The following MSI2 variants were observed in gnomAD, a reference collection of about 807,000 sequenced individuals.
The protein encoded by MSI2 is musashi RNA binding protein 2.
A neutral mutation model predicts 45.6 loss-of-function variants in MSI2; 17 were observed. That is an observed-to-expected ratio of 0.37 (90% CI 0.26 to 0.56). The LOEUF (loss-of-function observed/expected upper bound fraction) is 0.56, where lower values mean the gene tolerates loss of function less well. MSI2 is among the 20% of genes least tolerant of loss of function. The probability of loss-of-function intolerance (pLI) is 0.77; values close to 1 mark genes in which losing one functional copy is unlikely to be tolerated. For missense variants in MSI2, 293 were observed against 444.2 expected (o/e 0.66, Z 3.06); for synonymous variants, 156 against 158.2 (o/e 0.99, Z 0.11).
At chr17:57,367,115 C>G (rs1243674445) in intron 5 of MSI2, among the ~76,000 whole-genome samples, 2 of 152,292 alleles carry the variant, frequency 1.3e-5, no homozygotes, top group East Asian at 3.9e-4. Context: ...CAAACACACA[C>G]CCAGGTAGGG....
At chr17:57,486,116 C>G (rs1466591104) in intron 6 of MSI2, among the ~76,000 whole-genome samples, 3 of 152,244 alleles carry the variant, frequency 2.0e-5, no homozygotes, top group Admixed American at 1.3e-4. Flanking sequence ...GCAAATTGCT[C>G]TCTGACTTTG....
At chr17:57,585,452 G>T (rs1479741730) in intron 7 of MSI2, among the ~76,000 whole-genome samples, 1 of 152,124 alleles carries the variant, frequency 6.6e-6, no homozygotes, top group Non-Finnish European at 1.5e-5. Context: ...GGATACCAAG[G>T]GTCAGAGTGG....
chr17:57,256,535 G>C lies in MSI2; in HGVS notation c.-208G>C, dbSNP rs1403436748. 21 of 336,200 alleles carry C rather than the reference G, an allele frequency of 6.2e-5. No individual in the cohort carries two copies. The highest frequency in any genetic ancestry group is 1.0e-4 in the Non-Finnish European group (19 of 187,900). The allele number at this position is 336,200 out of a possible 1,614,324, so 20.8% of individuals were successfully genotyped here. The stretch of plus-strand genomic sequence containing the variant: ...GGGACGGGGGGGTGTGCGAGGCAGC[G>C]GGGCTGAGCTAAGCCGAGCCCACGT... On this transcript the variant is annotated 5_prime_UTR_variant, in exon 1 of 14. Coordinates refer to ENST00000284073, the MANE Select transcript of MSI2 (RefSeq NM_138962.4).
intron 7 of MSI2, among the ~76,000 whole-genome samples, chr17:57,558,341 T>C (rs576390600): frequency 6.6e-6 from 1 of 152,240 alleles, no homozygotes; most frequent in African/African-American, 2.4e-5. Context: ...CTATAAATAG[T>C]GTCTTTCCAA....
intron 7 of MSI2, among the ~76,000 whole-genome samples, chr17:57,589,886 G>A (rs188125727): frequency 4.7e-4 from 71 of 152,300 alleles, no homozygotes; most frequent in Non-Finnish European, 6.5e-4. Context: ...CCTGCCTCTC[G>A]CAGAGTTGCC....
intron 6 of MSI2, among the ~76,000 whole-genome samples, chr17:57,446,681 A>T (rs981652712): frequency 1.3e-5 from 2 of 152,238 alleles, no homozygotes; most frequent in African/African-American, 4.8e-5. Flanking sequence ...AGATGCACTC[A>T]CATGCTGTAG....
intron 5 of MSI2, chr17:57,264,667 G>GT (rs1907616170): frequency 6.6e-6 from 1 of 152,248 alleles, no homozygotes; most frequent in African/African-American, 2.4e-5. Context: ...TATGAGGAGA[G>GT]TACTAGTATG....
intron 5 of MSI2, among the ~76,000 whole-genome samples, chr17:57,296,377 G>C (rs972267635): frequency 6.6e-6 from 1 of 152,178 alleles, no homozygotes. Context: ...TTAAATACCA[G>C]TTAGTTGCTG....
intron 5 of MSI2, among the ~76,000 whole-genome samples, chr17:57,372,572 GA>G (rs1244026568): frequency 6.6e-6 from 1 of 152,180 alleles, no homozygotes; most frequent in Admixed American, 6.5e-5. Context: ...AAAAGTTACA[GA>G]TGAACAGAAA....
rs1244806370 is a variant in MSI2, at chr17:57,684,271, C to T, written c.*4754C>T. ...GCCGTTCATGGTGTATTGTAAACTC[C>T]GAATTCCATATGTAATAGGATGCAA... On this transcript the variant is annotated 3_prime_UTR_variant, in exon 14 of 14. Transcript: ENST00000284073. The T allele has an allele frequency of 9.9e-6, 2 of 202,874 alleles. No homozygotes were observed. Among genetic ancestry groups the T allele is most frequent in the Admixed American group, 6.0e-5 (1 of 16,662 alleles). The allele number at this position is 202,874 out of a possible 1,614,324, so 12.6% of individuals were successfully genotyped here. A position where few individuals can be genotyped will look rare whatever the true frequency, so the allele number is the denominator to read the frequency against.
chr17:57,612,282 G>A (rs779185658), intron 8 of MSI2, among the ~76,000 whole-genome samples: 1 of 94,982 alleles, frequency 1.1e-5, no homozygotes, highest in Non-Finnish European at 2.5e-5. Context: ...GAGAGGTGGA[G>A]GCTTTCCTTA....
At chr17:57,371,011 C>T (rs573201439) in intron 5 of MSI2, among the ~76,000 whole-genome samples, 81 of 152,322 alleles carry the variant, frequency 5.3e-4, no homozygotes, top group Non-Finnish European at 9.3e-4. Context: ...ATTATATAGT[C>T]GCTCTTTTAT....
intron 5 of MSI2, among the ~76,000 whole-genome samples, chr17:57,286,709 A>G (rs995344700): frequency 1.3e-5 from 2 of 151,992 alleles, no homozygotes. Flanking sequence ...TTCCCGGCTC[A>G]CTGTGAGCCT....
intron 5 of MSI2, among the ~76,000 whole-genome samples, chr17:57,340,523 G>T (rs1915048140): frequency 6.6e-6 from 1 of 152,172 alleles, no homozygotes; most frequent in South Asian, 2.1e-4. Context: ...AAATAGAGGG[G>T]CATTGATGTT....
chr17:57,517,263 G>A (rs2086487924), intron 6 of MSI2, among the ~76,000 whole-genome samples: 1 of 152,220 alleles, frequency 6.6e-6, no homozygotes, highest in Non-Finnish European at 1.5e-5. Flanking sequence ...CTGCCAGGCA[G>A]CCCAAAGGGG....
intron 7 of MSI2, among the ~76,000 whole-genome samples, chr17:57,535,933 C>T (rs1038383156): frequency 1.3e-5 from 2 of 152,196 alleles, no homozygotes; most frequent in Admixed American, 1.3e-4. Context: ...GAAGATAATG[C>T]TTTTCTAAGG....
intron 7 of MSI2, among the ~76,000 whole-genome samples, chr17:57,594,802 G>A (rs953390799): frequency 2.6e-5 from 4 of 152,140 alleles, no homozygotes; most frequent in African/African-American, 9.7e-5. Context: ...GGTGACACTG[G>A]GAGAAACTCG....
chr17:57,273,029 AAACT>A (rs1281506032), intron 5 of MSI2, among the ~76,000 whole-genome samples: 1 of 152,236 alleles, frequency 6.6e-6, no homozygotes, highest in African/African-American at 2.4e-5. Context: ...TACTTAATAA[AAACT>A]AACTAGTGGA....
chr17:57,512,514 C>G (rs955515209), intron 6 of MSI2, among the ~76,000 whole-genome samples: 5 of 152,214 alleles, frequency 3.3e-5, no homozygotes, highest in Admixed American at 2.0e-4. Context: ...GGGGTCCTCA[C>G]TGGAATAGAG....
Sources: gnomAD v4.1 joint callset for allele counts (sites outside exome capture counted in the v4.1 genomes callset) on GRCh38, gnomAD v4.1.1 for gene constraint, MANE v1.5 for transcripts, NCBI Gene and HGNC (gene_info 2026-07-23, HGNC 2026-07-21) for gene names.